The following ZDHHC14 variants were observed in gnomAD, a reference collection of about 807,000 sequenced individuals.
ZDHHC14 encodes palmitoyltransferase ZDHHC14.
A neutral mutation model predicts 47.7 loss-of-function variants in ZDHHC14; 16 were observed. That is an observed-to-expected ratio of 0.34 (90% CI 0.23 to 0.51). The LOEUF is 0.51. Ranked by LOEUF, ZDHHC14 falls within the 20% of genes least tolerant of loss-of-function variation. The pLI is 0.97. For missense variants in ZDHHC14, 515 were observed against 662.5 expected (o/e 0.78, Z 2.44); for synonymous variants, 293 against 278.9 (o/e 1.05, Z -0.50).
chr6:157,383,061 C>T (rs538374180), intron 1 of ZDHHC14, among the ~76,000 whole-genome samples: 1 of 152,330 alleles, frequency 6.6e-6, no homozygotes, highest in Non-Finnish European at 1.5e-5. Context: ...ATAAAAAGCG[C>T]ATGCAAGTCT....
intron 3 of ZDHHC14, among the ~76,000 whole-genome samples, chr6:157,619,351 A>G (rs1785091558): frequency 6.6e-6 from 1 of 152,228 alleles, no homozygotes; most frequent in South Asian, 2.1e-4. Context: ...AGATTGCACC[A>G]CTGTACTCCA....
intron 1 of ZDHHC14, among the ~76,000 whole-genome samples, chr6:157,537,158 T>A (rs1372058267): frequency 1.3e-5 from 2 of 152,270 alleles, no homozygotes; most frequent in African/African-American, 4.8e-5. Flanking sequence ...TATTTAGTTC[T>A]GAGCAGAGGA....
rs1777216502 is a variant in ZDHHC14, at chr6:157,381,800, CG to C, written c.-221del. On this transcript the variant is annotated 5_prime_UTR_variant, in exon 1 of 9. Coordinates refer to ENST00000359775, the MANE Select transcript of ZDHHC14 (RefSeq NM_024630.3). ...GCTGCCGCGGGCTGCGGACCAGCGC[CG>C]TCCCCTCACGGAGCGGGGATTCTGC... 6.0e-6 allele frequency: 1 copy of C among 166,378 alleles called. No individual in the cohort carries two copies. Among genetic ancestry groups the C allele is most frequent in the Non-Finnish European group, 1.2e-5 (1 of 84,188 alleles). 10.3% of individuals were successfully genotyped at this position (166,378 alleles called of 1,614,324 possible).
intron 2 of ZDHHC14, among the ~76,000 whole-genome samples, chr6:157,544,022 G>C (rs1164604645): frequency 1.3e-5 from 2 of 152,162 alleles, no homozygotes; most frequent in African/African-American, 2.4e-5. Flanking sequence ...CCATTTTACA[G>C]ATAAGGAAAC....
intron 1 of ZDHHC14, among the ~76,000 whole-genome samples, chr6:157,401,363 T>C (rs959242669): frequency 6.6e-6 from 1 of 152,266 alleles, no homozygotes; most frequent in Admixed American, 6.5e-5. Flanking sequence ...TGGGTATACA[T>C]ACAGGCACCA....
At chr6:157,495,894 G>A (rs1021649452) in intron 1 of ZDHHC14, among the ~76,000 whole-genome samples, 1 of 151,754 alleles carries the variant, frequency 6.6e-6, no homozygotes, top group African/African-American at 2.4e-5. Flanking sequence ...TGGTAGAGAC[G>A]GGATTCTGCC....
intron 3 of ZDHHC14, among the ~76,000 whole-genome samples, chr6:157,599,917 G>A (rs950141667): frequency 6.6e-6 from 1 of 152,352 alleles, no homozygotes. Flanking sequence ...TTTTGCCGTT[G>A]TGTTAACTCT....
intron 1 of ZDHHC14, among the ~76,000 whole-genome samples, chr6:157,453,463 A>T (rs1242401209): frequency 6.6e-6 from 1 of 152,120 alleles, no homozygotes; most frequent in African/African-American, 2.4e-5. Flanking sequence ...CTTTAATTCT[A>T]TGGCCCATTT....
chr6:157,430,465 A>G (rs1778316702), intron 1 of ZDHHC14, among the ~76,000 whole-genome samples: 2 of 152,138 alleles, frequency 1.3e-5, no homozygotes, highest in African/African-American at 4.8e-5. Context: ...TGCCTTTTTC[A>G]GCCTCCAGAG....
rs1783693878 is a variant in ZDHHC14 at position 157,586,259 on chromosome 6, T to C, written c.407-6729T>C. Among the ~76,000 whole-genome samples the C allele has an allele frequency of 6.6e-6, 1 of 152,034 alleles. No individual in the cohort carries two copies. The highest frequency in any genetic ancestry group is 2.1e-4 in the South Asian group (1 of 4,822). ...GATAAATAAAACAAGGCAGGCGCAG[T>C]GAGAGCCCAAAGGAGGAAACAAGTA... is the stretch of plus-strand genomic sequence containing the variant. On this transcript the variant is annotated intron_variant, in intron 2 of 8. Coordinates refer to ENST00000359775, the MANE Select transcript of ZDHHC14 (RefSeq NM_024630.3). This position sits in a 1 kb window ranked among gnomAD's most constrained non-coding sequence, Gnocchi z 4.6.
chr6:157,398,080 C>A (rs1777559201), intron 1 of ZDHHC14, among the ~76,000 whole-genome samples: 1 of 148,808 alleles, frequency 6.7e-6, no homozygotes, highest in African/African-American at 2.5e-5. Flanking sequence ...CTCCCCAGCT[C>A]CCCAGCCCCC....
chr6:157,498,082 T>C (rs145605239), intron 1 of ZDHHC14, among the ~76,000 whole-genome samples: 1 of 152,196 alleles, frequency 6.6e-6, no homozygotes. Context: ...CCTGAACTTG[T>C]TACATGAAAA....
chr6:157,469,644 T>C (rs1316545682), intron 1 of ZDHHC14, among the ~76,000 whole-genome samples: 1 of 152,186 alleles, frequency 6.6e-6, no homozygotes, highest in African/African-American at 2.4e-5. Flanking sequence ...GATGGAACGA[T>C]CATGTCAAAT....
intron 1 of ZDHHC14, among the ~76,000 whole-genome samples, chr6:157,484,784 A>G (rs1335591308): frequency 6.6e-6 from 1 of 152,114 alleles, no homozygotes; most frequent in East Asian, 1.9e-4. Flanking sequence ...TGCAAACACA[A>G]TTGAAGAAAA....
chr6:157,446,387 C>G (rs1390781240), intron 1 of ZDHHC14, among the ~76,000 whole-genome samples: 1 of 151,974 alleles, frequency 6.6e-6, no homozygotes, highest in Non-Finnish European at 1.5e-5. Context: ...TATATCTCTT[C>G]CTTTTTTTTT....
chr6:157,508,892 T>C (rs1032177894), intron 1 of ZDHHC14, among the ~76,000 whole-genome samples: 2 of 152,206 alleles, frequency 1.3e-5, no homozygotes, highest in African/African-American at 4.8e-5. Context: ...TTTCTGATGA[T>C]ATAAGTTATA....
chr6:157,480,789 G>A (rs1418121506), intron 1 of ZDHHC14, among the ~76,000 whole-genome samples: 2 of 150,474 alleles, frequency 1.3e-5, no homozygotes, highest in Non-Finnish European at 3.0e-5. Context: ...TCCTGATTCT[G>A]GGTTATGTGC....
chr6:157,553,849 C>G (rs1176886470), intron 2 of ZDHHC14, among the ~76,000 whole-genome samples: 13 of 152,194 alleles, frequency 8.5e-5, no homozygotes, highest in Admixed American at 8.5e-4. Context: ...GGGCAGCACT[C>G]AGAGCCTAGC....
intron 2 of ZDHHC14, among the ~76,000 whole-genome samples, chr6:157,561,165 C>T (rs1782692097): frequency 6.6e-6 from 1 of 152,178 alleles, no homozygotes; most frequent in African/African-American, 2.4e-5. Context: ...TGGCTTCTTG[C>T]AACTACACCT....
Sources: gnomAD v4.1 joint callset for allele counts (sites outside exome capture counted in the v4.1 genomes callset) on GRCh38, gnomAD v4.1.1 for gene constraint, Gnocchi (gnomAD v3.1) non-coding constraint, MANE v1.5 for transcripts, NCBI Gene and HGNC (gene_info 2026-07-23, HGNC 2026-07-21) for gene names.